The following LNX1 variants were observed in gnomAD, a reference collection of about 807,000 sequenced individuals.
LNX1 encodes ligand of numb-protein X 1.
A neutral mutation model predicts 68.4 loss-of-function variants in LNX1; 54 were observed. The ratio of observed to expected loss-of-function variants is 0.79; its 90% CI spans 0.63 to 0.99. The LOEUF is 0.99. Among genes scored for constraint, LNX1 ranks in the 50% least tolerant of loss-of-function variants. The pLI is 0.00. For synonymous variants in LNX1, 336 were observed against 350.0 expected (o/e 0.96, Z 0.45); for missense variants, 906 against 926.4 (o/e 0.98, Z 0.29).
At chr4:53,562,365 G>A (rs1730352400) in intron 2 of LNX1, among the ~76,000 whole-genome samples, 1 of 152,202 alleles carries the variant, frequency 6.6e-6, no homozygotes, top group Admixed American at 6.5e-5. Flanking sequence ...TGTGATGGGA[G>A]TCTGTAAGCA....
rs143736534 is a variant in LNX1, at chr4:53,648,482, T to C, written c.-215+3686A>G. ...TTTTGTTGTTGTTGAACTGTAGGGG[T>C]TCTTTACATATTCTGGATATTAACC... On this transcript the variant is annotated intron_variant, in intron 1 of 2. Transcript: ENST00000507168. Among the ~76,000 whole-genome samples the C allele has an allele frequency of 2.6e-4, 40 of 152,300 alleles. No individual in the cohort carries two copies. The East Asian group carries it at 7.1e-3, about 27-fold the overall frequency.
chr4:53,578,054 A>C (rs1281719006), intron 1 of LNX1, among the ~76,000 whole-genome samples: 1 of 152,172 alleles, frequency 6.6e-6, no homozygotes, highest in Non-Finnish European at 1.5e-5. Context: ...TAACTTGTCA[A>C]TCACACCAAA....
At chr4:53,632,134 A>C (rs895637854) in intron 1 of LNX1, among the ~76,000 whole-genome samples, 1 of 152,096 alleles carries the variant, frequency 6.6e-6, no homozygotes, top group Non-Finnish European at 1.5e-5. Context: ...CTGCATTATG[A>C]GGAGACCTCC....
chr4:53,569,630 A>C (rs1457436797), intron 2 of LNX1, among the ~76,000 whole-genome samples: 3 of 151,576 alleles, frequency 2.0e-5, no homozygotes, highest in East Asian at 3.9e-4. Context: ...AAAACACCAA[A>C]AGCAATGGCA....
chr4:53,589,761 C>T (rs1577768006), intron 1 of LNX1, among the ~76,000 whole-genome samples: 1 of 152,218 alleles, frequency 6.6e-6, no homozygotes, highest in Non-Finnish European at 1.5e-5. Context: ...CTGGACAGGA[C>T]TTGTGTGTAA....
intron 6 of LNX1, among the ~76,000 whole-genome samples, chr4:53,493,556 G>A (rs1463953724): frequency 6.6e-6 from 1 of 152,208 alleles, no homozygotes; most frequent in Non-Finnish European, 1.5e-5. Flanking sequence ...ATAAGCTACT[G>A]TACAGGACAG....
intron 2 of LNX1, chr4:53,549,246 G>A (rs1729330917): frequency 6.6e-6 from 1 of 152,098 alleles, no homozygotes; most frequent in Non-Finnish European, 1.5e-5. Context: ...GGGTAAAATT[G>A]TAGTTACATT....
chr4:53,596,403 C>T (rs1314960598), upstream of LNX1, among the ~76,000 whole-genome samples: 2 of 152,120 alleles, frequency 1.3e-5, no homozygotes, highest in African/African-American at 4.8e-5. Context: ...AGTTGGCGCA[C>T]ATTTTGTGAA....
At chr4:53,603,948 A>C (rs371711749) in intron 2 of LNX1, 1 of 152,226 alleles carries the variant, frequency 6.6e-6, no homozygotes, top group Non-Finnish European at 1.5e-5. Flanking sequence ...ATTTTATGCT[A>C]TACCAATTAT....
chr4:53,531,233 G>C (rs559114644), intron 2 of LNX1, among the ~76,000 whole-genome samples: 3 of 152,330 alleles, frequency 2.0e-5, no homozygotes, highest in African/African-American at 4.8e-5. Flanking sequence ...CTGTGGACAT[G>C]AGGTGGGGAA....
At chr4:53,503,809 T>G (rs1316680597) in intron 4 of LNX1, among the ~76,000 whole-genome samples, 1 of 152,204 alleles carries the variant, frequency 6.6e-6, no homozygotes, top group African/African-American at 2.4e-5. Context: ...AGATGGCATC[T>G]TCTCCCAATA....
At chr4:53,491,122 G>A (rs1022874854) in intron 6 of LNX1, among the ~76,000 whole-genome samples, 2 of 152,138 alleles carry the variant, frequency 1.3e-5, no homozygotes, top group African/African-American at 4.8e-5. Flanking sequence ...ATGACATGAT[G>A]AGTAAGAGTT....
intron 2 of LNX1, among the ~76,000 whole-genome samples, chr4:53,607,777 T>C (rs1029929041): frequency 1.3e-5 from 2 of 152,040 alleles, no homozygotes; most frequent in African/African-American, 4.8e-5. Context: ...AACAGACACA[T>C]AGACCAACAG....
chr4:53,545,237 A>T (rs1489317215), intron 2 of LNX1, among the ~76,000 whole-genome samples: 1 of 152,216 alleles, frequency 6.6e-6, no homozygotes, highest in Non-Finnish European at 1.5e-5. Flanking sequence ...CAAACTAGGA[A>T]CTGCCATCTT....
At chr4:53,619,109 A>G (rs1490206347), upstream of LNX1, among the ~76,000 whole-genome samples, 1 of 152,190 alleles carries the variant, frequency 6.6e-6, no homozygotes, top group African/African-American at 2.4e-5. Context: ...CTACCTTATC[A>G]GATAGTGTAA....
intron 9 of LNX1, among the ~76,000 whole-genome samples, chr4:53,466,347 A>T (rs567431105): frequency 2.5e-4 from 38 of 152,334 alleles, no homozygotes; most frequent in Non-Finnish European, 4.1e-4. Flanking sequence ...ATCGTAAAAA[A>T]TATGTTTAAA....
intron 1 of LNX1, among the ~76,000 whole-genome samples, chr4:53,637,265 T>C (rs1734516589): frequency 6.6e-6 from 1 of 152,076 alleles, no homozygotes; most frequent in African/African-American, 2.4e-5. Context: ...TCTTCACAGC[T>C]GTAGTTCTCA....
chr4:53,467,635 G>A lies in LNX1; in HGVS notation c.1893-6042C>T, dbSNP rs183699101. Among the ~76,000 whole-genome samples, 739 of 152,300 alleles carry A rather than the reference G, an allele frequency of 4.9e-3. 9 individuals carry two copies. Among genetic ancestry groups the A allele is most frequent in the Non-Finnish European group, 6.1e-3 (412 of 68,030 alleles). ...GGCTAACTACAATAGCCAATGCAGA[G>A]AAGTCCTTAAAGGACCTGATGGAGC... On this transcript the variant is annotated intron_variant, in intron 9 of 10. Transcript: ENST00000263925.
chr4:53,611,597 A>AT (rs1733500665), intron 2 of LNX1, among the ~76,000 whole-genome samples: 1 of 152,194 alleles, frequency 6.6e-6, no homozygotes, highest in African/African-American at 2.4e-5. Context: ...AGAACTGTCT[A>AT]TAAACCCATC....
Sources: gnomAD v4.1 joint callset for allele counts (sites outside exome capture counted in the v4.1 genomes callset) on GRCh38, gnomAD v4.1.1 for gene constraint, MANE v1.5 for transcripts, NCBI Gene and HGNC (gene_info 2026-07-23, HGNC 2026-07-21) for gene names.